CASZ1: variants seen among roughly 807,000 people sequenced by gnomAD.
CASZ1 encodes the protein zinc finger protein castor homolog 1.
In CASZ1, 28 loss-of-function variants were observed where a neutral mutation model predicts 135.2. The observed-to-expected ratio is 0.21, with a 90% CI of 0.15 to 0.28. The LOEUF (loss-of-function observed/expected upper bound fraction) is 0.28. CASZ1 is among the 10% of genes least tolerant of loss of function. The pLI is 1.00. For missense variants in CASZ1, 2,161 were observed against 2,453.3 expected (o/e 0.88, Z 2.52); for synonymous variants, 1,068 against 1,073.4 (o/e 0.99, Z 0.10).
At chr1:10,688,493 C>T (rs905687894) in intron 4 of CASZ1, among the ~76,000 whole-genome samples, 6 of 152,098 alleles carry the variant, frequency 3.9e-5, no homozygotes, top group Non-Finnish European at 5.9e-5. Flanking sequence ...AGCATGGTGG[C>T]GGAGGGAGGT....
At chr1:10,738,074 C>A (rs1008451414) in intron 2 of CASZ1, among the ~76,000 whole-genome samples, 1 of 152,170 alleles carries the variant, frequency 6.6e-6, no homozygotes, top group Non-Finnish European at 1.5e-5. Flanking sequence ...GTGGAGTTTA[C>A]CCTTGGCAAG....
In CASZ1 at chr1:10,728,031, C is replaced by T. The variant is rs558117961; in HGVS notation, c.-76-22487G>A. 7.2e-5 allele frequency among the ~76,000 whole-genome samples: 11 copies of T among 152,376 alleles called. 1 individual carries two copies. In the East Asian group the frequency reaches 9.6e-4, roughly 13 times the overall value. On this transcript the variant is annotated intron_variant, in intron 2 of 20. Coordinates refer to ENST00000377022, the MANE Select transcript of CASZ1 (RefSeq NM_001079843.3). The stretch of plus-strand genomic sequence containing the variant: ...AGGGGTCCTACCACCGCCTATGCTC[C>T]GGGCTCCCCGTCAACACATCGCGGT...
In CASZ1 at chr1:10,751,467, G is replaced by C. The variant is rs140389987; in HGVS notation, c.-77+9234C>G. Among the ~76,000 whole-genome samples the C allele has an allele frequency of 3.0e-3, 450 of 152,308 alleles. 4 individuals are homozygous for C. The highest frequency in any genetic ancestry group is 0.01 in the African/African-American group (424 of 41,564). ...CAGCAAGGGTTAACACCAGGGCTGG[G>C]AGAGGCCAGGCAGCACGGAGCACTC... On this transcript the variant is annotated intron_variant, in intron 2 of 20. Coordinates refer to ENST00000377022, the MANE Select transcript of CASZ1 (RefSeq NM_001079843.3).
At chr1:10,668,134 G>C (rs1278208318) in intron 4 of CASZ1, among the ~76,000 whole-genome samples, 1 of 152,156 alleles carries the variant, frequency 6.6e-6, no homozygotes, top group African/African-American at 2.4e-5. Flanking sequence ...GCTTAGGTTT[G>C]TAAGTGCGAG....
chr1:10,754,089 G>A (rs1002966588), intron 2 of CASZ1, among the ~76,000 whole-genome samples: 2 of 152,026 alleles, frequency 1.3e-5, no homozygotes, highest in African/African-American at 2.4e-5. Flanking sequence ...TACAGATATC[G>A]ATTAGGTTGG....
At chr1:10,731,081 G>A (rs1384879507) in intron 2 of CASZ1, among the ~76,000 whole-genome samples, 1 of 150,870 alleles carries the variant, frequency 6.6e-6, no homozygotes, top group Non-Finnish European at 1.5e-5. Flanking sequence ...ACACCAGCTT[G>A]GGCGACAGAG....
At chr1:10,795,916 G>T (rs1641058708) in intron 1 of CASZ1, among the ~76,000 whole-genome samples, 2 of 152,052 alleles carry the variant, frequency 1.3e-5, no homozygotes, top group Non-Finnish European at 2.9e-5. Flanking sequence ...ACCTACACCC[G>T]GTATCCGGGC....
In CASZ1 at chr1:10,706,551, G is replaced by A. The variant is rs1639177139; in HGVS notation, c.-76-1007C>T. Among the ~76,000 whole-genome samples, 2 of 152,214 alleles carry A rather than the reference G, an allele frequency of 1.3e-5. No individual in the cohort carries two copies. The highest frequency in any genetic ancestry group is 4.1e-4 in the South Asian group (2 of 4,832). ...AGATTGGGGGGATTGTGGGAGATGA[G>A]GTGACCTTGTTGAGGGCTCCCGGAA... is the stretch of plus-strand genomic sequence containing the variant. On this transcript the variant is annotated intron_variant, in intron 2 of 20. Transcript: ENST00000377022. This position sits in a 1 kb window ranked among gnomAD's most constrained non-coding sequence, Gnocchi z 4.3.
At position 10,720,036 on chromosome 1, in the gene CASZ1, G is replaced by A. The variant is rs1271215015; in HGVS notation, c.-76-14492C>T. Among the ~76,000 whole-genome samples, 4 of 152,356 alleles carry A rather than the reference G, an allele frequency of 2.6e-5. No homozygotes were observed. Among genetic ancestry groups the A allele is most frequent in the South Asian group, 4.1e-4 (2 of 4,824 alleles). On this transcript the variant is annotated intron_variant, in intron 2 of 20. Transcript: ENST00000377022. The surrounding 1 kb of genome is among the most constrained non-coding windows in gnomAD (Gnocchi z 5.7). ...TCAAACCAGGAGCCAGGCGGCTGCC[G>A]GTCCCCACTGCTCTGCCCAGAGGCC...
rs986499605 is a variant in CASZ1, at chr1:10,640,160, G to A, written c.4163-101C>T. The A allele has an allele frequency of 6.7e-6, 10 of 1,489,510 alleles. No homozygotes were observed. The African/African-American group carries it at 9.8e-5, about 15-fold the overall frequency. 92.3% of individuals were successfully genotyped at this position (1,489,510 alleles called of 1,614,324 possible). On this transcript the variant is annotated intron_variant, in intron 20 of 20. Transcript: ENST00000377022. ...ACCCCTGATCTGGCATGGCGCCAGA[G>A]GGCGGCATTTAGGGAGCCCTCGGCT...
chr1:10,732,667 C>A (rs1639722325), intron 2 of CASZ1, among the ~76,000 whole-genome samples: 1 of 152,108 alleles, frequency 6.6e-6, no homozygotes, highest in Admixed American at 6.5e-5. Context: ...GGGAGATGGT[C>A]CTACAAGTAG....
In CASZ1 at chr1:10,727,199, G is replaced by A. The variant is rs896614521; in HGVS notation, c.-76-21655C>T. 2.0e-5 allele frequency among the ~76,000 whole-genome samples: 3 copies of A among 152,124 alleles called. No homozygotes were observed. The highest frequency in any genetic ancestry group is 2.9e-5 in the Non-Finnish European group (2 of 67,972). On this transcript the variant is annotated intron_variant, in intron 2 of 20. Transcript: ENST00000377022. The surrounding 1 kb of genome is among the most constrained non-coding windows in gnomAD (Gnocchi z 5.3). ...TGGCCAGGGGTAGGGAGAGGCCCGC[G>A]ACCGTCCCAGGCCTGTGGGAAGCTG...
rs1294775190 is a variant in CASZ1, at chr1:10,639,742, G to C, written c.4480C>G (p.Arg1494Gly). The C allele has an allele frequency of 6.3e-7, 1 of 1,593,546 alleles. No homozygotes were observed. Among genetic ancestry groups the C allele is most frequent in the African/African-American group, 1.3e-5 (1 of 74,704 alleles). Residue 1494 changes from arginine (R) to glycine (G), a missense_variant, in exon 21 of 21, where the codon CGC becomes GGC. Transcript: ENST00000377022. This position sits in a 1 kb window ranked among gnomAD's most constrained non-coding sequence, Gnocchi z 4.0. ...VDNLVLDDFK[R>G]FKASLSCHFA... ...TGGCAGCTGAGTGAGGCCTTGAAGCGCTTGAAGTCGTCCAGCACCAGGTTG... is the reference window on the plus strand; with the variant it reads ...TGGCAGCTGAGTGAGGCCTTGAAGCCCTTGAAGTCGTCCAGCACCAGGTTG...
intron 2 of CASZ1, among the ~76,000 whole-genome samples, chr1:10,758,316 T>TTC (rs141247615): frequency 1.5e-4 from 16 of 103,402 alleles, no homozygotes; most frequent in African/African-American, 4.5e-4. Context: ...CCAGACCCTC[T>TTC]TCTCTCTCTC....
At chr1:10,664,935 C>G (rs964504116) in intron 5 of CASZ1, 148 bp downstream of exon 5, 2 of 928,026 alleles carry the variant, frequency 2.2e-6, no homozygotes, top group Middle Eastern at 3.6e-4. Flanking sequence ...CTAGTCTCTC[C>G]CACTCCAGGA....
rs166912 is a variant in CASZ1 at position 10,711,716 on chromosome 1, T to A, written c.-76-6172A>T. Among the ~76,000 whole-genome samples, 1 of 152,058 alleles carries A rather than the reference T, an allele frequency of 6.6e-6. No homozygotes were observed. Among genetic ancestry groups the A allele is most frequent in the Non-Finnish European group, 1.5e-5 (1 of 68,014 alleles). The stretch of plus-strand genomic sequence containing the variant: ...TGAGAAATGGACATACAACATGGAG[T>A]CTGTCCATACTATTGAATATTATTC... On this transcript the variant is annotated intron_variant, in intron 2 of 20. Transcript: ENST00000377022. This position sits in a 1 kb window ranked among gnomAD's most constrained non-coding sequence, Gnocchi z 4.4.
chr1:10,737,283 G>A (rs530652539), intron 2 of CASZ1, among the ~76,000 whole-genome samples: 1 of 152,146 alleles, frequency 6.6e-6, no homozygotes, highest in East Asian at 1.9e-4. Flanking sequence ...GCACAGCCCC[G>A]CTCCAACCCT....
chr1:10,773,554 G>C (rs74591306), intron 1 of CASZ1, among the ~76,000 whole-genome samples: 1 of 152,046 alleles, frequency 6.6e-6, no homozygotes, highest in Non-Finnish European at 1.5e-5. Context: ...CACGCACCCC[G>C]GGGACTGAAC....
In CASZ1 at chr1:10,659,644, G is replaced by C. The variant is rs1570430025; in HGVS notation, c.1340+58C>G. On this transcript the variant is annotated intron_variant, in intron 6 of 20. Coordinates refer to ENST00000377022, the MANE Select transcript of CASZ1 (RefSeq NM_001079843.3). ...CACGGGCAACCCTGGTGAGGAAGGA[G>C]GCCTCCTGTCTAGTCTGGCTCCTGG... 6 of 1,380,018 alleles carry C rather than the reference G, an allele frequency of 4.3e-6. No individual in the cohort carries two copies. The East Asian group carries it at 1.4e-4, about 32-fold the overall frequency. 85.5% of individuals were successfully genotyped at this position (1,380,018 alleles called of 1,614,324 possible). A position where few individuals can be genotyped will look rare whatever the true frequency, so the allele number is the denominator to read the frequency against.
Sources: allele counts gnomAD v4.1 joint callset (sites outside exome capture counted in the v4.1 genomes callset), GRCh38; gene constraint gnomAD v4.1.1; non-coding constraint Gnocchi (gnomAD v3.1); transcripts MANE v1.5; gene names NCBI Gene and HGNC (gene_info 2026-07-23, HGNC 2026-07-21).